NPAS3: variants seen among roughly 807,000 people sequenced by gnomAD.
The protein encoded by NPAS3 is neuronal PAS domain-containing protein 3.
A neutral mutation model predicts 73.1 loss-of-function variants in NPAS3; 14 were observed. The observed-to-expected ratio is 0.19, with a 90% confidence interval of 0.13 to 0.30. NPAS3 has a LOEUF of 0.30. NPAS3 is among the 10% of genes least tolerant of loss of function. The probability of loss-of-function intolerance (pLI) is 1.00; values close to 1 mark genes in which losing one functional copy is unlikely to be tolerated. For missense variants in NPAS3, 1,096 were observed against 1,250.0 expected (o/e 0.88, Z 1.86); for synonymous variants, 620 against 541.5 (o/e 1.14, Z -2.01).
intron 5 of NPAS3, among the ~76,000 whole-genome samples, chr14:33,583,774 C>T (rs745939738): frequency 1.3e-5 from 2 of 152,174 alleles, no homozygotes; most frequent in Non-Finnish European, 2.9e-5. Context: ...CTAAGTGTAG[C>T]AATTTAAGAA....
intron 3 of NPAS3, among the ~76,000 whole-genome samples, chr14:33,249,245 C>T (rs1274247177): frequency 6.6e-6 from 1 of 151,992 alleles, no homozygotes; most frequent in African/African-American, 2.4e-5. Context: ...TTTTCCAAAG[C>T]GAAGTCAATA....
intron 9 of NPAS3, among the ~76,000 whole-genome samples, chr14:33,790,550 CTT>C (rs74352260): frequency 2.8e-5 from 4 of 142,798 alleles, no homozygotes; most frequent in Non-Finnish European, 6.1e-5. Flanking sequence ...GCCAGTATGA[CTT>C]TTTTTTTTTT....
chr14:33,655,189 G>GA (rs953480143), intron 5 of NPAS3, among the ~76,000 whole-genome samples: 9 of 152,152 alleles, frequency 5.9e-5, no homozygotes, highest in African/African-American at 1.9e-4. Flanking sequence ...TCAAAGCTGA[G>GA]ACTAGAACCC....
intron 5 of NPAS3, among the ~76,000 whole-genome samples, chr14:33,670,875 A>G (rs957861704): frequency 6.9e-5 from 10 of 144,450 alleles, no homozygotes; most frequent in African/African-American, 2.5e-4. Flanking sequence ...AGGACTCCTG[A>G]GAAAGAGATT....
chr14:33,068,134 T>G (rs2138626005), intron 2 of NPAS3, among the ~76,000 whole-genome samples: 1 of 152,354 alleles, frequency 6.6e-6, no homozygotes, highest in South Asian at 2.1e-4. Flanking sequence ...TCTGGGCTGC[T>G]TCATAAATAG....
chr14:33,665,130 G>A (rs968857661), intron 5 of NPAS3, among the ~76,000 whole-genome samples: 3 of 152,174 alleles, frequency 2.0e-5, no homozygotes, highest in East Asian at 1.9e-4. Flanking sequence ...ATGATAGGCT[G>A]GATAAAGAAA....
chr14:33,650,917 C>T (rs772322985), intron 5 of NPAS3, among the ~76,000 whole-genome samples: 10 of 152,076 alleles, frequency 6.6e-5, no homozygotes, highest in African/African-American at 2.4e-4. Context: ...AGTTCTGATG[C>T]CCATTGTAGG....
intron 2 of NPAS3, among the ~76,000 whole-genome samples, chr14:33,200,448 C>A (rs957298944): frequency 6.6e-6 from 1 of 151,988 alleles, no homozygotes; most frequent in African/African-American, 2.4e-5. Flanking sequence ...CATTTTCCTC[C>A]ATTTTATGCC....
chr14:33,731,222 T>C (rs772545987), intron 6 of NPAS3, among the ~76,000 whole-genome samples: 2 of 151,840 alleles, frequency 1.3e-5, no homozygotes, highest in Non-Finnish European at 1.5e-5. Flanking sequence ...GGCAACATGG[T>C]GAAACCCCAT....
chr14:33,537,879 C>G (rs1161949342), intron 4 of NPAS3, among the ~76,000 whole-genome samples: 2 of 152,154 alleles, frequency 1.3e-5, no homozygotes, highest in African/African-American at 4.8e-5. Context: ...TTATGGAGCA[C>G]AGAGCACTGC....
At chr14:33,554,230 A>G (rs959610116) in intron 4 of NPAS3, among the ~76,000 whole-genome samples, 1 of 152,164 alleles carries the variant, frequency 6.6e-6, no homozygotes, top group African/African-American at 2.4e-5. Flanking sequence ...CAGCTATTAA[A>G]TGCTCACTTC....
chr14:33,055,853 T>C (rs1240594774), intron 1 of NPAS3, 52 bp from the exon 2 acceptor site: 2 of 767,036 alleles, frequency 2.6e-6, no homozygotes, highest in East Asian at 2.7e-5. Context: ...TGCATTCCAG[T>C]TGACTGTAGA....
chr14:32,944,271 G>T (rs1429004959), intron 1 of NPAS3, among the ~76,000 whole-genome samples: 1 of 152,044 alleles, frequency 6.6e-6, no homozygotes, highest in South Asian at 2.1e-4. Flanking sequence ...CATTCTAATT[G>T]ATTTTTTAAA....
intron 4 of NPAS3, among the ~76,000 whole-genome samples, chr14:33,546,456 T>A (rs1176201128): frequency 3.9e-5 from 6 of 152,220 alleles, no homozygotes; most frequent in Admixed American, 3.9e-4. Flanking sequence ...TCCAATCACT[T>A]GCTGGATAAC....
At chr14:33,123,442 T>C (rs975173917) in intron 2 of NPAS3, among the ~76,000 whole-genome samples, 19 of 152,128 alleles carry the variant, frequency 1.2e-4, no homozygotes, top group African/African-American at 4.6e-4. Flanking sequence ...TGTCCCATCC[T>C]TTCAGTGTTT....
At chr14:33,015,153 A>C (rs536271130) in intron 1 of NPAS3, among the ~76,000 whole-genome samples, 73 of 152,276 alleles carry the variant, frequency 4.8e-4, no homozygotes, top group Non-Finnish European at 8.8e-4. Flanking sequence ...TGATCAATGT[A>C]TTTAGGAGTG....
At chr14:32,980,936 C>A (rs1004853007) in intron 1 of NPAS3, among the ~76,000 whole-genome samples, 2 of 152,132 alleles carry the variant, frequency 1.3e-5, no homozygotes, top group Non-Finnish European at 2.9e-5. Context: ...TATACACCCA[C>A]ACACGCATAC....
chr14:33,670,620 C>CT (rs1024484205), intron 5 of NPAS3, among the ~76,000 whole-genome samples: 1 of 147,134 alleles, frequency 6.8e-6, no homozygotes, highest in African/African-American at 2.5e-5. Flanking sequence ...ATGTGACCCC[C>CT]CCTCAAAAAA....
chr14:33,210,548 G>T (rs1046186511), intron 2 of NPAS3, among the ~76,000 whole-genome samples: 7 of 152,090 alleles, frequency 4.6e-5, no homozygotes, highest in African/African-American at 1.7e-4. Flanking sequence ...ATTTTCAAGA[G>T]AACTTTTAGG....
Sources: gnomAD v4.1 joint callset for allele counts (sites outside exome capture counted in the v4.1 genomes callset) on GRCh38, gnomAD v4.1.1 for gene constraint, MANE v1.5 for transcripts, NCBI Gene and HGNC (gene_info 2026-07-23, HGNC 2026-07-21) for gene names.